The following UNC13C variants were observed in gnomAD, a reference collection of about 807,000 sequenced individuals.
UNC13C encodes the protein unc-13 homolog C, also known as protein unc-13 homolog C.
A neutral mutation model predicts 245.4 loss-of-function variants in UNC13C; 174 were observed. The ratio of observed to expected loss-of-function variants is 0.71; its 90% CI spans 0.63 to 0.80. UNC13C has a LOEUF of 0.80. Among genes scored for constraint, UNC13C ranks in the 30% least tolerant of loss-of-function variants. The pLI is 0.00. For synonymous variants in UNC13C, 992 were observed against 895.1 expected (o/e 1.11, Z -1.93); for missense variants, 2,829 against 2,602.9 (o/e 1.09, Z -1.89).
chr15:54,130,128 A>G (rs1370873752), intron 2 of UNC13C, among the ~76,000 whole-genome samples: 1 of 151,846 alleles, frequency 6.6e-6, no homozygotes, highest in Non-Finnish European at 1.5e-5. Context: ...CCTATAAAAT[A>G]AGGCATGCTT....
intron 19 of UNC13C, chr15:54,417,185 G>A (rs757680853): frequency 1.3e-4 from 42 of 327,364 alleles, no homozygotes; most frequent in Admixed American, 3.4e-4. Context: ...TGCCTATAAT[G>A]ATGTTTAGAA....
chr15:54,009,266 C>G (rs76224635), intron 1 of UNC13C, among the ~76,000 whole-genome samples: 1 of 152,158 alleles, frequency 6.6e-6, no homozygotes, highest in Non-Finnish European at 1.5e-5. Flanking sequence ...ATTCTCCAAC[C>G]TAGCAGAATT....
intron 30 of UNC13C, among the ~76,000 whole-genome samples, chr15:54,588,613 A>C (rs1898609999): frequency 6.6e-6 from 1 of 151,958 alleles, no homozygotes; most frequent in Admixed American, 6.6e-5. Flanking sequence ...ACTGCGCCAT[A>C]TTTCTTGTCT....
intron 4 of UNC13C, among the ~76,000 whole-genome samples, chr15:54,151,779 T>C (rs993326018): frequency 6.6e-6 from 1 of 152,166 alleles, no homozygotes; most frequent in African/African-American, 2.4e-5. Context: ...AAATCAGAGC[T>C]GCCATCAACT....
chr15:54,589,289 C>CTTCTT (rs1898651054), intron 30 of UNC13C, among the ~76,000 whole-genome samples: 19 of 53,498 alleles, frequency 3.6e-4, no homozygotes, highest in African/African-American at 1.2e-3. Flanking sequence ...TCTTCTTCTT[C>CTTCTT]TTTTTTTTTT....
At chr15:53,926,358 G>A in the UNC13C span, among the ~76,000 whole-genome samples, 6 of 152,082 alleles carry the variant, frequency 3.9e-5, no homozygotes, top group African/African-American at 1.4e-4. Context: ...TGAAACCTCA[G>A]TTCTCTCACA....
the UNC13C span, among the ~76,000 whole-genome samples, chr15:53,901,218 C>CTTT: frequency 3.8e-5 from 4 of 104,824 alleles, no homozygotes; most frequent in Non-Finnish European, 3.8e-5. Flanking sequence ...TCATAGATTT[C>CTTT]TTTTTTTTTT....
intron 17 of UNC13C, among the ~76,000 whole-genome samples, chr15:54,372,154 AT>A (rs1384798260): frequency 1.3e-5 from 2 of 152,154 alleles, no homozygotes; most frequent in Non-Finnish European, 2.9e-5. Flanking sequence ...AAAAAGCTTG[AT>A]TTAGTCATTC....
chr15:54,004,146 T>G (rs1472645048), intron 1 of UNC13C, among the ~76,000 whole-genome samples: 5 of 152,190 alleles, frequency 3.3e-5, no homozygotes, highest in Non-Finnish European at 7.3e-5. Flanking sequence ...CATCTGCATC[T>G]TCCTTCTACC....
intron 2 of UNC13C, among the ~76,000 whole-genome samples, chr15:54,063,103 C>G (rs960658658): frequency 9.2e-5 from 14 of 152,158 alleles, no homozygotes; most frequent in Non-Finnish European, 1.5e-4. Context: ...GGATGCCTTC[C>G]TATTTCAAAA....
At position 54,184,399 on chromosome 15, in the gene UNC13C, T is replaced by C. The variant is rs1193098116; in HGVS notation, c.3071+40715T>C. Among the ~76,000 whole-genome samples the C allele has an allele frequency of 3.3e-5, 5 of 152,082 alleles. No individual in the cohort carries two copies. In the East Asian group the frequency reaches 7.7e-4, roughly 23 times the overall value. On this transcript the variant is annotated intron_variant, in intron 4 of 32. Coordinates refer to ENST00000260323, the MANE Select transcript of UNC13C (RefSeq NM_001080534.3). ...GTCATTTAGCATTAGGTATATCTCCTAATGCTATCCCTCCCCGCTTCCCCC... is the reference window on the plus strand; with the variant it reads ...GTCATTTAGCATTAGGTATATCTCCCAATGCTATCCCTCCCCGCTTCCCCC...
chr15:54,251,476 A>G (rs2036151467), intron 8 of UNC13C, among the ~76,000 whole-genome samples: 1 of 151,968 alleles, frequency 6.6e-6, no homozygotes, highest in South Asian at 2.1e-4. Context: ...ATCCTTTCAC[A>G]CTCTTGAATG....
At chr15:54,397,986 A>G (rs1311714649) in intron 18 of UNC13C, among the ~76,000 whole-genome samples, 1 of 151,262 alleles carries the variant, frequency 6.6e-6, no homozygotes, top group Non-Finnish European at 1.5e-5. Context: ...CTTCAGTACA[A>G]TGTTGACTAA....
At chr15:54,216,082 A>T (rs2035030617) in intron 4 of UNC13C, among the ~76,000 whole-genome samples, 1 of 151,914 alleles carries the variant, frequency 6.6e-6, no homozygotes, top group African/African-American at 2.4e-5. Context: ...GGATGTGAGG[A>T]TGAGAGACAG....
the UNC13C span, among the ~76,000 whole-genome samples, chr15:53,955,130 C>T: frequency 9.2e-5 from 14 of 152,258 alleles, no homozygotes; most frequent in South Asian, 6.2e-4. Context: ...GGTGAACATA[C>T]ATTTTGATTG....
intron 4 of UNC13C, among the ~76,000 whole-genome samples, chr15:54,205,274 A>G (rs1202658842): frequency 6.6e-6 from 1 of 151,962 alleles, no homozygotes; most frequent in African/African-American, 2.4e-5. Flanking sequence ...TGGTGAGTCT[A>G]ATGATCAACT....
chr15:54,024,773 G>A (rs972852539), intron 2 of UNC13C, among the ~76,000 whole-genome samples: 1 of 151,992 alleles, frequency 6.6e-6, no homozygotes, highest in African/African-American at 2.4e-5. Flanking sequence ...AAATTAGCCG[G>A]GCGTGGTCCC....
At chr15:53,933,048 T>A in the UNC13C span, among the ~76,000 whole-genome samples, 1 of 152,176 alleles carries the variant, frequency 6.6e-6, no homozygotes, top group African/African-American at 2.4e-5. Flanking sequence ...ATTTCATAAG[T>A]GACTAAATCC....
At chr15:54,242,700 CTTA>C (rs1191092902) in intron 7 of UNC13C, among the ~76,000 whole-genome samples, 6 of 151,948 alleles carry the variant, frequency 3.9e-5, no homozygotes, top group African/African-American at 1.5e-4. Flanking sequence ...TTTAATGGTT[CTTA>C]TTAACTATTG....
Sources: allele counts gnomAD v4.1 joint callset (sites outside exome capture counted in the v4.1 genomes callset), GRCh38; gene constraint gnomAD v4.1.1; transcripts MANE v1.5; gene names NCBI Gene and HGNC (gene_info 2026-07-23, HGNC 2026-07-21).